Variants in KDM4C observed in about 807,000 individuals in gnomAD.
KDM4C encodes the protein lysine demethylase 4C, also known as lysine-specific demethylase 4C.
KDM4C carries 81 observed loss-of-function variants against 129.3 expected under a neutral mutation model. That is an observed-to-expected ratio of 0.63 (90% CI 0.52 to 0.75). The LOEUF (loss-of-function observed/expected upper bound fraction) is 0.75. Among genes scored for constraint, KDM4C ranks in the 30% least tolerant of loss-of-function variants. The pLI is 0.00. For synonymous variants in KDM4C, 573 were observed against 456.1 expected (o/e 1.26, Z -3.26); for missense variants, 1,457 against 1,304.0 (o/e 1.12, Z -1.81).
intron 17 of KDM4C, among the ~76,000 whole-genome samples, chr9:7,063,953 C>T (rs375525246): frequency 6.6e-5 from 10 of 152,170 alleles, no homozygotes; most frequent in African/African-American, 1.2e-4. Flanking sequence ...GGAAGCCTCC[C>T]GTCTTTTGGA....
intron 5 of KDM4C, among the ~76,000 whole-genome samples, chr9:6,866,773 C>G (rs1376808593): frequency 2.0e-5 from 3 of 151,744 alleles, no homozygotes; most frequent in Non-Finnish European, 4.4e-5. Context: ...GGAAGGGGTG[C>G]TGAGGATATA....
At chr9:7,093,093 T>A (rs1430635010) in intron 17 of KDM4C, among the ~76,000 whole-genome samples, 1 of 152,180 alleles carries the variant, frequency 6.6e-6, no homozygotes, top group Non-Finnish European at 1.5e-5. Flanking sequence ...CAATTTTTCA[T>A]GACAGAAAAA....
intron 1 of KDM4C, among the ~76,000 whole-genome samples, chr9:6,788,750 A>G (rs952200541): frequency 6.6e-6 from 1 of 152,186 alleles, no homozygotes; most frequent in African/African-American, 2.4e-5. Flanking sequence ...TGGAAGTGCC[A>G]GCAGTTGGGA....
intron 8 of KDM4C, among the ~76,000 whole-genome samples, chr9:6,916,815 T>A (rs780963256): frequency 1.5e-4 from 23 of 152,218 alleles, no homozygotes; most frequent in Non-Finnish European, 2.9e-4. Flanking sequence ...GAAATTTTGA[T>A]CACCTTTGAA....
intron 4 of KDM4C, among the ~76,000 whole-genome samples, chr9:6,828,405 C>G (rs1834238860): frequency 6.6e-6 from 1 of 151,986 alleles, no homozygotes; most frequent in African/African-American, 2.4e-5. Flanking sequence ...CCTCGGCCTC[C>G]CAAAGTGCTG....
At chr9:6,974,430 G>T (rs1008552966) in intron 8 of KDM4C, among the ~76,000 whole-genome samples, 2 of 152,198 alleles carry the variant, frequency 1.3e-5, no homozygotes, top group Non-Finnish European at 2.9e-5. Flanking sequence ...TGCGACCGCG[G>T]CTCACTGCAA....
rs115681750 is a variant in KDM4C, at chr9:6,908,669, G to T, written c.921+15437G>T. ...TAGCAAAGAGGCCTCTTTTTGCTAA[G>T]TTTCTGAGGTGGGGGGTGGGGAGGT... is the stretch of plus-strand genomic sequence containing the variant. On this transcript the variant is annotated intron_variant, in intron 8 of 21. Transcript: ENST00000381309. Among the ~76,000 whole-genome samples, 1,162 of 151,784 alleles carry T rather than the reference G, an allele frequency of 7.7e-3. 21 individuals carry two copies. Among genetic ancestry groups the T allele is most frequent in the African/African-American group, 0.026 (1,063 of 41,350 alleles).
chr9:7,018,952 A>G (rs977964435), intron 15 of KDM4C, among the ~76,000 whole-genome samples: 4 of 152,230 alleles, frequency 2.6e-5, no homozygotes, highest in South Asian at 2.1e-4. Flanking sequence ...CTTGAATATA[A>G]CATTACAATG....
At chr9:7,034,123 A>C (rs7865020) in intron 15 of KDM4C, among the ~76,000 whole-genome samples, 25,957 of 152,016 alleles carry the variant, frequency 0.17, 2,772 homozygotes, top group African/African-American at 0.3. Flanking sequence ...CATGGGGTAC[A>C]CAGTGGTGTT....
chr9:7,162,913 A>C (rs910649338), intron 19 of KDM4C, among the ~76,000 whole-genome samples: 3 of 152,154 alleles, frequency 2.0e-5, no homozygotes, highest in Non-Finnish European at 4.4e-5. Flanking sequence ...GAGACAAAGG[A>C]GTCAGGATTT....
intron 15 of KDM4C, among the ~76,000 whole-genome samples, chr9:7,027,782 G>A (rs1333930780): frequency 2.0e-5 from 3 of 152,212 alleles, no homozygotes; most frequent in Admixed American, 6.5e-5. Context: ...CTGTCCTGCA[G>A]CTGTGCTGGC....
chr9:6,842,433 C>T (rs1188798552), intron 4 of KDM4C, among the ~76,000 whole-genome samples: 1 of 148,874 alleles, frequency 6.7e-6, no homozygotes, highest in Non-Finnish European at 1.5e-5. Context: ...CTCCTGGGTT[C>T]ACGTGATTCT....
intron 15 of KDM4C, among the ~76,000 whole-genome samples, chr9:7,036,907 C>G (rs1306195468): frequency 1.3e-5 from 2 of 152,136 alleles, no homozygotes; most frequent in Non-Finnish European, 2.9e-5. Context: ...AACTTACTTG[C>G]CAGTACAGAA....
At chr9:6,885,358 A>T (rs146084429) in intron 6 of KDM4C, among the ~76,000 whole-genome samples, 3 of 152,246 alleles carry the variant, frequency 2.0e-5, no homozygotes, top group Admixed American at 6.5e-5. Flanking sequence ...CATCCTTTGG[A>T]TGGGTATAGC....
At chr9:7,047,160 C>T (rs981144407) in intron 16 of KDM4C, among the ~76,000 whole-genome samples, 3 of 151,956 alleles carry the variant, frequency 2.0e-5, no homozygotes, top group East Asian at 3.9e-4. Flanking sequence ...AATAACCCCT[C>T]TTTTACTCAC....
At chr9:6,788,956 C>T (rs1416090117) in intron 1 of KDM4C, among the ~76,000 whole-genome samples, 1 of 151,970 alleles carries the variant, frequency 6.6e-6, no homozygotes, top group Non-Finnish European at 1.5e-5. Context: ...AAGCACAAGT[C>T]AGTGAGTATT....
intron 17 of KDM4C, among the ~76,000 whole-genome samples, chr9:7,069,234 A>T (rs1410320848): frequency 6.6e-6 from 1 of 152,218 alleles, no homozygotes; most frequent in Non-Finnish European, 1.5e-5. Flanking sequence ...ATGATGTTAA[A>T]ATAATGATGA....
At chr9:7,142,011 A>T (rs777868324) in intron 19 of KDM4C, among the ~76,000 whole-genome samples, 3 of 152,212 alleles carry the variant, frequency 2.0e-5, no homozygotes, top group Non-Finnish European at 2.9e-5. Flanking sequence ...ATTCTTCAGT[A>T]TGAAAATATA....
At chr9:7,130,299 C>T (rs767672876) in intron 19 of KDM4C, among the ~76,000 whole-genome samples, 17 of 152,148 alleles carry the variant, frequency 1.1e-4, no homozygotes, top group Non-Finnish European at 1.8e-4. Flanking sequence ...TTAATGAACC[C>T]TAAATTCTCT....
Sources: gnomAD v4.1 joint callset for allele counts (sites outside exome capture counted in the v4.1 genomes callset) on GRCh38, gnomAD v4.1.1 for gene constraint, MANE v1.5 for transcripts, NCBI Gene and HGNC (gene_info 2026-07-23, HGNC 2026-07-21) for gene names.